Variants in CDH4 observed in about 807,000 individuals in gnomAD.
CDH4 encodes cadherin-4.
Under a neutral mutation model 86.0 loss-of-function variants are expected in CDH4, and 33 were observed. That is an observed-to-expected ratio of 0.38 (90% CI 0.29 to 0.51). CDH4 has a LOEUF of 0.51. Among genes scored for constraint, CDH4 ranks in the 20% least tolerant of loss-of-function variants. The pLI is 0.86. For missense variants in CDH4, 1,114 were observed against 1,307.4 expected (o/e 0.85, Z 2.28); for synonymous variants, 555 against 549.4 (o/e 1.01, Z -0.14).
At chr20:61,519,616 GC>G (rs1337082334) in intron 2 of CDH4, among the ~76,000 whole-genome samples, 2 of 152,248 alleles carry the variant, frequency 1.3e-5, no homozygotes, top group African/African-American at 4.8e-5. Flanking sequence ...CATAGCACTG[GC>G]CAGGCAGCGC....
rs547848199 is a variant in CDH4 at position 61,505,501 on chromosome 20, C to T, written c.170-238062C>T. On this transcript the variant is annotated intron_variant, in intron 2 of 15. Transcript: ENST00000614565. The stretch of plus-strand genomic sequence containing the variant: ...AAATTAGCACTGCAGATGGAGGAGG[C>T]GGCACTGGGCTTTGGGACTATGCAG... Among the ~76,000 whole-genome samples, 351 of 152,246 alleles carry T rather than the reference C, an allele frequency of 2.3e-3. 1 individual carries two copies. The highest frequency in any genetic ancestry group is 7.9e-3 in the African/African-American group (328 of 41,530).
At chr20:61,311,502 C>T (rs2084445504) in intron 2 of CDH4, among the ~76,000 whole-genome samples, 3 of 152,148 alleles carry the variant, frequency 2.0e-5, no homozygotes, top group Admixed American at 6.5e-5. Context: ...AGCAAAATTA[C>T]AGAACAGCAG....
At chr20:61,526,517 C>A (rs968596180) in intron 2 of CDH4, among the ~76,000 whole-genome samples, 1 of 150,842 alleles carries the variant, frequency 6.6e-6, no homozygotes. Context: ...TATTATTATA[C>A]CTTAAGTTTT....
At chr20:61,911,646 A>G (rs1740353) in intron 9 of CDH4, among the ~76,000 whole-genome samples, 83,762 of 88,970 alleles carry the variant, frequency 0.94, 39,490 homozygotes, top group East Asian at 1. Flanking sequence ...ATGCCAAAGC[A>G]TAAGGAAAAG....
chr20:61,419,569 G>A (rs371846617), intron 2 of CDH4, among the ~76,000 whole-genome samples: 15 of 152,096 alleles, frequency 9.9e-5, no homozygotes, highest in Admixed American at 2.0e-4. Context: ...CAGCCACAGC[G>A]GAGTTTCCAC....
chr20:61,414,949 G>A (rs923395181), intron 2 of CDH4, among the ~76,000 whole-genome samples: 6 of 152,220 alleles, frequency 3.9e-5, no homozygotes, highest in South Asian at 4.1e-4. Flanking sequence ...TCCATGGACC[G>A]GAGGTCAGGA....
chr20:61,369,290 A>C (rs1428178729), intron 2 of CDH4, among the ~76,000 whole-genome samples: 1 of 151,726 alleles, frequency 6.6e-6, no homozygotes, highest in South Asian at 2.1e-4. Context: ...CTCTCTACTA[A>C]AAATACAAAA....
chr20:61,746,479 G>T (rs938953286), intron 3 of CDH4, among the ~76,000 whole-genome samples: 1 of 152,228 alleles, frequency 6.6e-6, no homozygotes, highest in African/African-American at 2.4e-5. Context: ...ATGGATGAGG[G>T]TGCTGAGCAT....
intron 13 of CDH4, 122 bp downstream of exon 13, chr20:61,929,964 G>T (rs2055088827): frequency 5.5e-6 from 4 of 724,048 alleles, no homozygotes; most frequent in South Asian, 5.1e-5. Flanking sequence ...AGCCTCATCT[G>T]TCAGGAGCCT....
intron 3 of CDH4, among the ~76,000 whole-genome samples, chr20:61,756,413 C>T (rs1157193529): frequency 1.3e-5 from 2 of 152,138 alleles, no homozygotes; most frequent in Non-Finnish European, 2.9e-5. Context: ...AAGGCTGGAG[C>T]AGGGAGCTCA....
chr20:61,563,151 G>A (rs1011134383), intron 2 of CDH4, among the ~76,000 whole-genome samples: 1 of 152,164 alleles, frequency 6.6e-6, no homozygotes, highest in African/African-American at 2.4e-5. Context: ...CTCTTGACCT[G>A]TGAATTCTAC....
intron 2 of CDH4, among the ~76,000 whole-genome samples, chr20:61,551,101 G>A (rs13045227): frequency 0.092 from 13,943 of 152,222 alleles, 687 homozygotes; most frequent in South Asian, 0.16. Context: ...CCTTCTCCTC[G>A]GGATCGATAA....
chr20:61,296,405 T>G (rs2084355155), intron 2 of CDH4, among the ~76,000 whole-genome samples: 1 of 151,806 alleles, frequency 6.6e-6, no homozygotes, highest in African/African-American at 2.4e-5. Flanking sequence ...CGGGCCATGC[T>G]TGCACAGAAT....
chr20:61,338,968 C>G (rs2084634534), intron 2 of CDH4, among the ~76,000 whole-genome samples: 1 of 151,916 alleles, frequency 6.6e-6, no homozygotes, highest in African/African-American at 2.4e-5. Flanking sequence ...CAAAAAGAAA[C>G]CAAAATGTCC....
chr20:61,663,207 G>A lies in CDH4; in HGVS notation c.170-80356G>A, dbSNP rs560800795. On this transcript the variant is annotated intron_variant, in intron 2 of 15. Coordinates refer to ENST00000614565, the MANE Select transcript of CDH4 (RefSeq NM_001794.5). This position sits in a 1 kb window ranked among gnomAD's most constrained non-coding sequence, Gnocchi z 5.0. ...ACGCCTCCGTGTGTGGACTGATGAG[G>A]TAAACGTTCTGTGACAAAGCCCCTG... 3.9e-5 allele frequency among the ~76,000 whole-genome samples: 6 copies of A among 152,222 alleles called. No individual in the cohort carries two copies. Among genetic ancestry groups the A allele is most frequent in the Admixed American group, 1.3e-4 (2 of 15,290 alleles).
At chr20:61,364,085 C>A (rs2084798400) in intron 2 of CDH4, among the ~76,000 whole-genome samples, 1 of 152,152 alleles carries the variant, frequency 6.6e-6, no homozygotes, top group South Asian at 2.1e-4. Context: ...ACCCATAGAC[C>A]AATATGCCAT....
intron 2 of CDH4, among the ~76,000 whole-genome samples, chr20:61,435,085 A>T (rs1220281384): frequency 3.9e-5 from 6 of 152,152 alleles, no homozygotes; most frequent in African/African-American, 9.7e-5. Context: ...ATGAAGTTGA[A>T]TTAACTCATG....
chr20:61,891,307 G>T (rs1984807621), intron 7 of CDH4, among the ~76,000 whole-genome samples: 1 of 152,190 alleles, frequency 6.6e-6, no homozygotes, highest in African/African-American at 2.4e-5. Context: ...TTTTACAGAG[G>T]GGGCTGCCAA....
At chr20:61,506,294 T>G (rs1380593351) in intron 2 of CDH4, among the ~76,000 whole-genome samples, 1 of 152,236 alleles carries the variant, frequency 6.6e-6, no homozygotes, top group East Asian at 1.9e-4. Context: ...TAAAATCCAG[T>G]TACAGTAATA....
Sources: allele counts gnomAD v4.1 joint callset (sites outside exome capture counted in the v4.1 genomes callset), GRCh38; gene constraint gnomAD v4.1.1; non-coding constraint Gnocchi (gnomAD v3.1); transcripts MANE v1.5; gene names NCBI Gene and HGNC (gene_info 2026-07-23, HGNC 2026-07-21).